Variants in PPFIBP1 observed in about 807,000 individuals in gnomAD.
PPFIBP1 encodes liprin-beta-1.
PPFIBP1 carries 112 observed loss-of-function variants against 137.8 expected under a neutral mutation model. The ratio of observed to expected loss-of-function variants is 0.81; its 90% CI spans 0.70 to 0.95. The LOEUF is 0.95. Ranked by LOEUF, PPFIBP1 falls within the 40% of genes least tolerant of loss-of-function variation. PPFIBP1 has a pLI of 0.00. For synonymous variants in PPFIBP1, 378 were observed against 417.3 expected, an observed-to-expected ratio of 0.91 and a Z score of 1.15; for missense variants, 1,083 against 1,196.6, an observed-to-expected ratio of 0.91 and a Z score of 1.40.
At chr12:27,629,935 T>A (rs1384716274) in intron 2 of PPFIBP1, among the ~76,000 whole-genome samples, 1 of 152,192 alleles carries the variant, frequency 6.6e-6, no homozygotes, top group Non-Finnish European at 1.5e-5. Flanking sequence ...TTGAAATTTA[T>A]CGAAACTGAT....
At chr12:27,659,255 T>C (rs1221602770) in intron 10 of PPFIBP1, among the ~76,000 whole-genome samples, 1 of 152,216 alleles carries the variant, frequency 6.6e-6, no homozygotes, top group Admixed American at 6.5e-5. Context: ...AAGTCCACTA[T>C]TTGTCTGGGA....
At chr12:27,625,097 C>T (rs1002212051) in intron 2 of PPFIBP1, among the ~76,000 whole-genome samples, 5 of 151,912 alleles carry the variant, frequency 3.3e-5, no homozygotes, top group African/African-American at 1.2e-4. Flanking sequence ...ATGGCGAAAC[C>T]CTGTCTCTAC....
chr12:27,646,651 A>G (rs1014622271), intron 5 of PPFIBP1, among the ~76,000 whole-genome samples: 24 of 152,148 alleles, frequency 1.6e-4, no homozygotes, highest in Non-Finnish European at 3.1e-4. Flanking sequence ...TGAAATCAGA[A>G]TATATATATT....
intron 1 of PPFIBP1, among the ~76,000 whole-genome samples, chr12:27,530,239 G>T (rs892071328): frequency 1.3e-5 from 2 of 152,128 alleles, no homozygotes; most frequent in Non-Finnish European, 2.9e-5. Context: ...ACTTTTTCTT[G>T]TGAATGATGG....
intron 2 of PPFIBP1, among the ~76,000 whole-genome samples, chr12:27,585,384 C>G (rs2051615183): frequency 6.6e-6 from 1 of 152,120 alleles, no homozygotes; most frequent in African/African-American, 2.4e-5. Flanking sequence ...TCTCCCTGCA[C>G]CCCCCTCATA....
chr12:27,627,960 C>T (rs2056964985), intron 2 of PPFIBP1, among the ~76,000 whole-genome samples: 1 of 152,066 alleles, frequency 6.6e-6, no homozygotes, highest in East Asian at 1.9e-4. Context: ...AAACGGAGCT[C>T]ATTTCTCTGT....
chr12:27,551,644 C>T (rs1007644766), intron 1 of PPFIBP1, among the ~76,000 whole-genome samples: 26 of 152,192 alleles, frequency 1.7e-4, no homozygotes, highest in Non-Finnish European at 2.9e-4. Flanking sequence ...TAGGCTACGG[C>T]GTGTAGTCTC....
In PPFIBP1 at chr12:27,664,445, A is replaced by T; in HGVS notation, c.990A>T (p.Lys330Asn). Residue 330 changes from lysine (K) to asparagine (N), a missense_variant and splice_region_variant, in exon 12 of 30, where the codon AAA becomes AAT. Transcript: ENST00000228425. ...QDTVVLAQGK[K>N]GKDGEYEELL... ...CGGTGGTACTGGCCCAAGGTAAAAA[A>T]GGTAGAGTGTAGCTCTAAAAGTTTT... 4 of 1,606,218 alleles carry T rather than the reference A, an allele frequency of 2.5e-6. No individual in the cohort carries two copies. The highest frequency in any genetic ancestry group is 2.6e-6 in the Non-Finnish European group (3 of 1,175,310).
At chr12:27,623,521 C>T (rs1293895501) in intron 2 of PPFIBP1, among the ~76,000 whole-genome samples, 2 of 151,898 alleles carry the variant, frequency 1.3e-5, no homozygotes, top group African/African-American at 4.8e-5. Context: ...AGCTATATAG[C>T]GAGACCTGGC....
At chr12:27,597,695 A>G (rs936514906) in intron 2 of PPFIBP1, among the ~76,000 whole-genome samples, 2 of 152,248 alleles carry the variant, frequency 1.3e-5, no homozygotes, top group African/African-American at 2.4e-5. Context: ...TAAGAAAAAA[A>G]TGATTTCCCA....
Position 27,694,561 on chromosome 12 carries a change from A to G in PPFIBP1, c.*1679A>G, listed in dbSNP as rs140345118. 8 of 152,352 alleles carry G rather than the reference A, an allele frequency of 5.3e-5. No individual in the cohort carries two copies. The East Asian group carries it at 1.3e-3, about 26-fold the overall frequency. 9.4% of individuals were successfully genotyped at this position (152,352 alleles called of 1,614,324 possible). A position where few individuals can be genotyped will look rare whatever the true frequency, so the allele number is the denominator to read the frequency against. ...TCTGAACATTTTATTTCAAAGTTCAAAAAAACAGAGGCTGCAAAATTCATT... is the reference window on the plus strand; with the variant it reads ...TCTGAACATTTTATTTCAAAGTTCAGAAAAACAGAGGCTGCAAAATTCATT... On this transcript the variant is annotated 3_prime_UTR_variant, in exon 30 of 30. Transcript: ENST00000228425.
intron 27 of PPFIBP1, among the ~76,000 whole-genome samples, chr12:27,691,504 G>A (rs1386921319): frequency 6.6e-6 from 1 of 152,124 alleles, no homozygotes; most frequent in African/African-American, 2.4e-5. Context: ...AGAAGAATAA[G>A]GTTAATTTCC....
intron 7 of PPFIBP1, among the ~76,000 whole-genome samples, chr12:27,652,685 T>C (rs868248160): frequency 6.6e-6 from 1 of 152,142 alleles, no homozygotes; most frequent in Non-Finnish European, 1.5e-5. Flanking sequence ...TTTTTTTCAG[T>C]GGTTTCTTCT....
intron 27 of PPFIBP1, 150 bp from the exon 28 acceptor site, chr12:27,691,599 A>G: frequency 1.8e-6 from 1 of 541,128 alleles, no homozygotes; most frequent in Non-Finnish European, 3.2e-6. Flanking sequence ...TTAAACATCC[A>G]GCTACTTTTC....
At chr12:27,549,013 C>T (rs1027510618) in intron 1 of PPFIBP1, 5 of 152,204 alleles carry the variant, frequency 3.3e-5, no homozygotes, top group Non-Finnish European at 7.3e-5. Context: ...AAACACCCAC[C>T]TCTGAACCTC....
intron 26 of PPFIBP1, among the ~76,000 whole-genome samples, chr12:27,688,795 C>T (rs1311481038): frequency 2.0e-5 from 3 of 152,084 alleles, no homozygotes; most frequent in African/African-American, 7.3e-5. Context: ...ATGCCTGAAG[C>T]CTGGATTTCA....
At chr12:27,598,426 A>C (rs1335319049) in intron 2 of PPFIBP1, among the ~76,000 whole-genome samples, 1 of 152,162 alleles carries the variant, frequency 6.6e-6, no homozygotes, top group African/African-American at 2.4e-5. Flanking sequence ...ACCCCCCATG[A>C]TTCAATTACC....
chr12:27,632,743 C>A (rs962906932), intron 2 of PPFIBP1, among the ~76,000 whole-genome samples: 4 of 152,110 alleles, frequency 2.6e-5, no homozygotes, highest in African/African-American at 7.2e-5. Flanking sequence ...TTTTATAGAG[C>A]TGTTGACTAA....
intron 1 of PPFIBP1, among the ~76,000 whole-genome samples, chr12:27,572,982 G>A (rs2050261834): frequency 6.6e-6 from 1 of 152,160 alleles, no homozygotes; most frequent in Admixed American, 6.5e-5. Flanking sequence ...TAAGTTTGAA[G>A]TTTGCTCATA....
Sources: gnomAD v4.1 joint callset for allele counts (sites outside exome capture counted in the v4.1 genomes callset) on GRCh38, gnomAD v4.1.1 for gene constraint, MANE v1.5 for transcripts, NCBI Gene and HGNC (gene_info 2026-07-23, HGNC 2026-07-21) for gene names.